The following FBXL17 variants were observed in gnomAD, a reference collection of about 807,000 sequenced individuals.
The protein encoded by FBXL17 is F-box/LRR-repeat protein 17.
FBXL17 carries 22 observed loss-of-function variants against 66.2 expected under a neutral mutation model. The ratio of observed to expected loss-of-function variants is 0.33; its 90% CI spans 0.24 to 0.47. FBXL17 has a LOEUF of 0.47. Among genes scored for constraint, FBXL17 ranks in the 20% least tolerant of loss-of-function variants. FBXL17 has a pLI of 1.00. For synonymous variants in FBXL17, 474 were observed against 400.5 expected, an observed-to-expected ratio of 1.18 and a Z score of -2.19; for missense variants, 878 against 948.2, an observed-to-expected ratio of 0.93 and a Z score of 0.97.
intron 8 of FBXL17, chr5:107,879,036 G>T: frequency 1.0e-6 from 1 of 985,452 alleles, no homozygotes; most frequent in Non-Finnish European, 1.2e-6. Context: ...GGACTAATTT[G>T]CATTTGGGTA....
chr5:108,029,970 A>G (rs961737375), intron 6 of FBXL17, among the ~76,000 whole-genome samples: 2 of 152,140 alleles, frequency 1.3e-5, no homozygotes, highest in African/African-American at 4.8e-5. Flanking sequence ...ATACTTCTAG[A>G]GGTTTCTTTC....
chr5:108,334,311 T>G (rs1459937162), intron 4 of FBXL17, among the ~76,000 whole-genome samples: 1 of 152,190 alleles, frequency 6.6e-6, no homozygotes, highest in East Asian at 1.9e-4. Flanking sequence ...CAGGCAGGTG[T>G]TGAGGCCAGA....
intron 6 of FBXL17, among the ~76,000 whole-genome samples, chr5:108,163,415 T>C (rs1413880242): frequency 1.3e-5 from 1 of 74,400 alleles, no homozygotes; most frequent in African/African-American, 3.1e-5. Context: ...TTTTTTTTTT[T>C]TTTGAGACAG....
At chr5:108,326,637 A>G (rs912601080) in intron 4 of FBXL17, among the ~76,000 whole-genome samples, 1 of 151,956 alleles carries the variant, frequency 6.6e-6, no homozygotes, top group Non-Finnish European at 1.5e-5. Context: ...ATTTGAAAAG[A>G]CACTTTACAA....
At chr5:107,942,171 C>T (rs1385867585) in intron 7 of FBXL17, among the ~76,000 whole-genome samples, 1 of 152,164 alleles carries the variant, frequency 6.6e-6, no homozygotes, top group African/African-American at 2.4e-5. Flanking sequence ...CCATGACCAT[C>T]TTCAGAGTGC....
chr5:108,349,575 T>C (rs1182564503), intron 3 of FBXL17, among the ~76,000 whole-genome samples: 1 of 152,196 alleles, frequency 6.6e-6, no homozygotes, highest in African/African-American at 2.4e-5. Context: ...CCTACAGAAA[T>C]GTAAACTCCA....
chr5:108,181,786 T>C (rs1327870264), intron 6 of FBXL17, among the ~76,000 whole-genome samples: 2 of 152,110 alleles, frequency 1.3e-5, no homozygotes, highest in African/African-American at 2.4e-5. Flanking sequence ...ATGAGCTTAG[T>C]TAAAAAATTA....
intron 7 of FBXL17, among the ~76,000 whole-genome samples, chr5:107,969,122 T>C (rs1391995646): frequency 6.6e-6 from 1 of 152,082 alleles, no homozygotes; most frequent in Admixed American, 6.5e-5. Flanking sequence ...AATGACACAG[T>C]GGAGTGGCAG....
chr5:108,138,922 A>C (rs1751247599), intron 6 of FBXL17, among the ~76,000 whole-genome samples: 1 of 152,242 alleles, frequency 6.6e-6, no homozygotes, highest in Non-Finnish European at 1.5e-5. Flanking sequence ...GAGCCACATA[A>C]GAACTAAACT....
At chr5:108,298,697 A>G in intron 4 of FBXL17, 1 of 777,982 alleles carries the variant, frequency 1.3e-6, no homozygotes, top group Non-Finnish European at 1.5e-6. Flanking sequence ...AGAATATTAA[A>G]TAAAAGTATC....
intron 3 of FBXL17, among the ~76,000 whole-genome samples, chr5:108,353,968 G>GGAT (rs1295417039): frequency 1.3e-5 from 2 of 152,200 alleles, no homozygotes; most frequent in South Asian, 2.1e-4. Context: ...TTTAATTGTT[G>GGAT]GATTTTTTTC....
intron 7 of FBXL17, among the ~76,000 whole-genome samples, chr5:107,992,242 G>C (rs1292630827): frequency 1.3e-5 from 2 of 152,102 alleles, no homozygotes; most frequent in African/African-American, 4.8e-5. Flanking sequence ...ATGATCAATA[G>C]ATTGAGTCAA....
rs1373834269 is a variant in FBXL17 at position 107,860,660 on chromosome 5, G to T, written c.*1060C>A. The stretch of plus-strand genomic sequence containing the variant: ...GAGAACTAGTCCAAAATGACAACAT[G>T]CATATATCCAAAAAACCTGTTCAAG... On this transcript the variant is annotated 3_prime_UTR_variant, in exon 9 of 9. Transcript: ENST00000542267. 6.6e-6 allele frequency: 1 copy of T among 152,528 alleles called. No individual in the cohort carries two copies. Among genetic ancestry groups the T allele is most frequent in the Non-Finnish European group, 1.5e-5 (1 of 68,026 alleles). The allele number at this position is 152,528 out of a possible 1,614,324, so 9.4% of individuals were successfully genotyped here. A position where few individuals can be genotyped will look rare whatever the true frequency, so the allele number is the denominator to read the frequency against.
At chr5:108,027,276 C>T (rs932771382) in intron 6 of FBXL17, among the ~76,000 whole-genome samples, 8 of 151,942 alleles carry the variant, frequency 5.3e-5, no homozygotes, top group Admixed American at 1.3e-4. Flanking sequence ...AGAAACAAGA[C>T]GATTAAATGT....
chr5:107,893,391 C>G (rs1399987906), intron 7 of FBXL17, among the ~76,000 whole-genome samples: 3 of 152,158 alleles, frequency 2.0e-5, no homozygotes, highest in Non-Finnish European at 2.9e-5. Flanking sequence ...GTAGATTCAG[C>G]ATGAAGCTAA....
At chr5:108,094,029 C>T (rs997356317) in intron 6 of FBXL17, among the ~76,000 whole-genome samples, 23 of 152,192 alleles carry the variant, frequency 1.5e-4, no homozygotes, top group African/African-American at 5.3e-4. Flanking sequence ...AGCATAAAGT[C>T]TATGGATTAA....
chr5:108,180,231 T>C (rs286770), intron 6 of FBXL17, among the ~76,000 whole-genome samples: 106,169 of 152,092 alleles, frequency 0.7, 37,449 homozygotes, highest in East Asian at 0.93. Flanking sequence ...AAATATCTGG[T>C]TGGGGGCAGT....
At position 108,183,428 on chromosome 5, in the gene FBXL17, T is replaced by G. The variant is rs568023014; in HGVS notation, c.1745+2689A>C. 1.1e-4 allele frequency among the ~76,000 whole-genome samples: 16 copies of G among 152,364 alleles called. No homozygotes were observed. The South Asian group carries it at 3.3e-3, about 32-fold the overall frequency. ...AGATATTTAAAACCACAAGATAGTA[T>G]TTATGTACTTCATTATTTGTTATGA... is the stretch of plus-strand genomic sequence containing the variant. On this transcript the variant is annotated intron_variant, in intron 6 of 8. Coordinates refer to ENST00000542267, the MANE Select transcript of FBXL17 (RefSeq NM_001163315.3).
intron 7 of FBXL17, among the ~76,000 whole-genome samples, chr5:107,988,217 T>C (rs2112686090): frequency 6.6e-6 from 1 of 152,148 alleles, no homozygotes; most frequent in South Asian, 2.1e-4. Flanking sequence ...CTGAGTTCTG[T>C]GATTAGTCTG....
Sources: allele counts gnomAD v4.1 joint callset (sites outside exome capture counted in the v4.1 genomes callset), GRCh38; gene constraint gnomAD v4.1.1; transcripts MANE v1.5; gene names NCBI Gene and HGNC (gene_info 2026-07-23, HGNC 2026-07-21).